CBLIF: variants seen among roughly 807,000 people sequenced by gnomAD.
The protein encoded by CBLIF is cobalamin binding intrinsic factor, also known as gastric intrinsic factor (vitamin B synthesis).
Under a neutral mutation model 44.9 loss-of-function variants are expected in CBLIF, and 24 were observed. The ratio of observed to expected loss-of-function variants is 0.53; its 90% CI spans 0.39 to 0.75. The LOEUF is 0.75. Ranked by LOEUF, CBLIF falls within the 30% of genes least tolerant of loss-of-function variation. The pLI, the probability that CBLIF is intolerant of heterozygous loss-of-function variation, is 0.00. For missense variants in CBLIF, 481 were observed against 513.0 expected (o/e 0.94, Z 0.60); for synonymous variants, 183 against 190.9 (o/e 0.96, Z 0.34).
chr11:59,844,201 G>C, intron 1 of CBLIF, 146 bp from the exon 2 acceptor site: 1 of 700,048 alleles, frequency 1.4e-6, no homozygotes, highest in South Asian at 1.5e-5. Flanking sequence ...GCAATGGCAC[G>C]ATCTCGGCTC....
At chr11:59,840,106 A>C (rs482839) in intron 5 of CBLIF, among the ~76,000 whole-genome samples, 1 of 143,590 alleles carries the variant, frequency 7.0e-6, no homozygotes, top group African/African-American at 3.0e-5. Flanking sequence ...ATTGAAGTGG[A>C]AATTTTTTTT....
At chr11:59,839,644 G>T (rs1203085670) in intron 5 of CBLIF, among the ~76,000 whole-genome samples, 1 of 152,152 alleles carries the variant, frequency 6.6e-6, no homozygotes, top group Non-Finnish European at 1.5e-5. Context: ...ATAAGTTCCA[G>T]ATAGAGGCAG....
At chr11:59,833,472 G>A (rs1043778641) in intron 7 of CBLIF, among the ~76,000 whole-genome samples, 7 of 151,566 alleles carry the variant, frequency 4.6e-5, no homozygotes, top group Non-Finnish European at 7.4e-5. Flanking sequence ...AGCCGAGATC[G>A]CGCCATTGCA....
intron 7 of CBLIF, among the ~76,000 whole-genome samples, chr11:59,832,586 G>C (rs940317948): frequency 1.3e-5 from 2 of 151,996 alleles, no homozygotes; most frequent in African/African-American, 4.8e-5. Flanking sequence ...CCAGGAGTTC[G>C]AGACCAGCCT....
chr11:59,829,298 A>G lies in CBLIF; in HGVS notation c.*186T>C. ...TTGAGAAGATGAAAATTTTATTTTC[A>G]TGAGTCATAGATGTTGAGACTCCAG... On this transcript the variant is annotated 3_prime_UTR_variant, in exon 9 of 9. Transcript: ENST00000257248. 5.3e-6 allele frequency: 3 copies of G among 569,104 alleles called. No homozygotes were observed. The highest frequency in any genetic ancestry group is 9.7e-6 in the Non-Finnish European group (3 of 309,446). 35.3% of individuals were successfully genotyped at this position (569,104 alleles called of 1,614,324 possible).
Position 59,843,943 on chromosome 11 carries a change from G to A in CBLIF, c.192C>T (p.Ala64=), listed in dbSNP as rs1011636376. The A allele has an allele frequency of 1.2e-5, 20 of 1,613,178 alleles. No homozygotes were observed. Among genetic ancestry groups the A allele is most frequent in the Middle Eastern group, 1.6e-4 (1 of 6,074 alleles). ...TCTGGGCCTTCAAGTTGTAGGCTCCGGCCAGATTCATGGCAATCAGGATGC... is the reference window on the plus strand; with the variant it reads ...TCTGGGCCTTCAAGTTGTAGGCTCCAGCCAGATTCATGGCAATCAGGATGC... ...NPSILIAMNL[A]GAYNLKAQKL... The change falls in exon 2 of 9, where the codon GCC becomes GCT. Residue 64 remains alanine, a synonymous_variant. Coordinates refer to ENST00000257248, the MANE Select transcript of CBLIF (RefSeq NM_005142.3).
chr11:59,837,797 C>G (rs1248307491), intron 5 of CBLIF, among the ~76,000 whole-genome samples: 1 of 152,170 alleles, frequency 6.6e-6, no homozygotes, highest in Non-Finnish European at 1.5e-5. Context: ...CAACCCTGGC[C>G]CAGGATGGAC....
chr11:59,836,886 T>C (rs568368032), intron 6 of CBLIF, among the ~76,000 whole-genome samples: 1 of 152,374 alleles, frequency 6.6e-6, no homozygotes, highest in Non-Finnish European at 1.5e-5. Flanking sequence ...TGTTGTTTGA[T>C]AGCTGGGACC....
intron 7 of CBLIF, 23 bp downstream of exon 7, chr11:59,835,785 T>C (rs199931839): frequency 2.1e-5 from 33 of 1,548,938 alleles, no homozygotes; most frequent in African/African-American, 1.2e-4. Context: ...GAGAGAATGA[T>C]GAATGACATT....
chr11:59,842,602 A>C lies in CBLIF; in HGVS notation c.371-19T>G, dbSNP rs139359211. ...TTGGGGCCTCCGAAGGGGATAGAGA[A>C]CCTTCATCAGACTCACAGTCACCAC... On this transcript the variant is annotated intron_variant, in intron 3 of 8. Transcript: ENST00000257248. 2 of 1,612,190 alleles carry C rather than the reference A, an allele frequency of 1.2e-6. No individual in the cohort carries two copies. The highest frequency in any genetic ancestry group is 3.3e-5 in the Admixed American group (2 of 60,026).
intron 5 of CBLIF, among the ~76,000 whole-genome samples, chr11:59,837,968 C>T (rs1220623203): frequency 2.0e-5 from 3 of 152,094 alleles, no homozygotes; most frequent in Admixed American, 6.6e-5. Context: ...TGCAAATAAA[C>T]GGTAAGCTGC....
At chr11:59,838,341 T>C (rs369376952) in intron 5 of CBLIF, among the ~76,000 whole-genome samples, 78 of 152,310 alleles carry the variant, frequency 5.1e-4, no homozygotes, top group African/African-American at 1.9e-3. Flanking sequence ...AAGGGGCTAA[T>C]GTATAAAAGC....
chr11:59,834,030 A>G (rs1866409399), intron 7 of CBLIF, among the ~76,000 whole-genome samples: 1 of 152,178 alleles, frequency 6.6e-6, no homozygotes. Context: ...CTTTGGGCCT[A>G]AGGGTTCTAT....
intron 7 of CBLIF, among the ~76,000 whole-genome samples, chr11:59,832,357 G>T (rs544644361): frequency 1.3e-5 from 2 of 152,122 alleles, no homozygotes; most frequent in African/African-American, 4.8e-5. Context: ...ACAGGATCAG[G>T]AGAAATAACT....
chr11:59,834,304 CTTT>C (rs1866421471), intron 7 of CBLIF, among the ~76,000 whole-genome samples: 4,019 of 102,062 alleles, frequency 0.039, 54 homozygotes, highest in Non-Finnish European at 0.044. Flanking sequence ...TTCTTTCTTT[CTTT>C]CTTTCTTCCT....
In CBLIF at chr11:59,841,247, A is replaced by G; in HGVS notation, c.589T>C (p.Ser197Pro). Residue 197 changes from serine to proline, a missense_variant, in exon 5 of 9, where the codon TCC (serine) becomes CCC (proline). Ser to Pro is a moderately conservative substitution (Grantham distance 74, BLOSUM62 -1). Coordinates refer to ENST00000257248, the MANE Select transcript of CBLIF (RefSeq NM_005142.3). ...TCCTTTAGTACCTGACCAAACAGGGATCTGTAACCTTCCTCTGAACCTACA... is the reference window on the plus strand; with the variant it reads ...TCCTTTAGTACCTGACCAAACAGGGGTCTGTAACCTTCCTCTGAACCTACA... ...IPVGSEEGYR[S>P]LFGQVLKDIV... is the part of the protein sequence containing the mutation. 6.2e-7 allele frequency: 1 copy of G among 1,613,306 alleles called. No individual in the cohort carries two copies. The highest frequency in any genetic ancestry group is 1.1e-5 in the South Asian group (1 of 91,074).
At chr11:59,841,882 A>G (rs1866534515) in intron 4 of CBLIF, among the ~76,000 whole-genome samples, 1 of 152,178 alleles carries the variant, frequency 6.6e-6, no homozygotes, top group African/African-American at 2.4e-5. Context: ...AGGGGACAGA[A>G]GGAGGACATG....
At chr11:59,845,345 C>A (rs1179129121) in intron 1 of CBLIF, 30 bp downstream of exon 1, 3 of 1,609,032 alleles carry the variant, frequency 1.9e-6, no homozygotes, top group Non-Finnish European at 2.6e-6. Context: ...AACTGCTTCC[C>A]TGACCTCCTT....
At chr11:59,838,388 A>G (rs1866481203) in intron 5 of CBLIF, among the ~76,000 whole-genome samples, 1 of 152,162 alleles carries the variant, frequency 6.6e-6, no homozygotes, top group Non-Finnish European at 1.5e-5. Context: ...GGAAGCTGTC[A>G]TTACCACCTC....
Sources: gnomAD v4.1 joint callset for allele counts (sites outside exome capture counted in the v4.1 genomes callset) on GRCh38, gnomAD v4.1.1 for gene constraint, MANE v1.5 for transcripts, NCBI Gene and HGNC (gene_info 2026-07-23, HGNC 2026-07-21) for gene names.